Variants in RASGRP3 observed in about 807,000 individuals in gnomAD.
RASGRP3 encodes ras guanyl-releasing protein 3.
Under a neutral mutation model 82.7 loss-of-function variants are expected in RASGRP3, and 54 were observed. That is an observed-to-expected ratio of 0.65 (90% confidence interval 0.52 to 0.82). The LOEUF (loss-of-function observed/expected upper bound fraction) is 0.82. Among genes scored for constraint, RASGRP3 ranks in the 40% least tolerant of loss-of-function variants. RASGRP3 has a pLI of 0.00. For synonymous variants in RASGRP3, 309 were observed against 300.5 expected, an observed-to-expected ratio of 1.03 and a Z score of -0.29; for missense variants, 861 against 828.9, an observed-to-expected ratio of 1.04 and a Z score of -0.48.
intron 12 of RASGRP3, among the ~76,000 whole-genome samples, chr2:33,540,549 GTGTGTT>G (rs1373829334): frequency 9.9e-5 from 3 of 30,270 alleles, no homozygotes; most frequent in African/African-American, 5.8e-4. Context: ...CTCTCTGTGT[GTGTGTT>G]TTGTGTGTGT....
chr2:33,547,186 C>G (rs55787783), intron 13 of RASGRP3, among the ~76,000 whole-genome samples: 1 of 151,682 alleles, frequency 6.6e-6, no homozygotes, highest in African/African-American at 2.4e-5. Context: ...GTTCTCACTT[C>G]TAAGTGAGAG....
intron 2 of RASGRP3, among the ~76,000 whole-genome samples, chr2:33,451,178 A>G (rs930309471): frequency 8.6e-5 from 13 of 151,728 alleles, no homozygotes; most frequent in Non-Finnish European, 1.8e-4. Flanking sequence ...ATTTTTTCAT[A>G]TACCTATTGG....
intron 14 of RASGRP3, 73 bp downstream of exon 14, chr2:33,549,824 T>A: frequency 2.7e-6 from 4 of 1,486,620 alleles, no homozygotes; most frequent in Non-Finnish European, 2.7e-6. Context: ...AGGAAAATGA[T>A]ACACTAAATA....
At chr2:33,470,799 A>C (rs77619345) in intron 2 of RASGRP3, among the ~76,000 whole-genome samples, 4,398 of 152,230 alleles carry the variant, frequency 0.029, 236 homozygotes, top group African/African-American at 0.1. Flanking sequence ...TTGTATATTT[A>C]TTTGTAACTG....
At chr2:33,506,007 CA>C (rs1670343030) in intron 1 of RASGRP3, among the ~76,000 whole-genome samples, 1 of 152,182 alleles carries the variant, frequency 6.6e-6, no homozygotes, top group Admixed American at 6.5e-5. Flanking sequence ...TGCCAATATT[CA>C]ATACCAGTAA....
chr2:33,443,709 T>TA (rs1161262477), intron 1 of RASGRP3, among the ~76,000 whole-genome samples: 23,252 of 98,062 alleles, frequency 0.24, 3,167 homozygotes, highest in Admixed American at 0.35. Context: ...ATCCTGTCTC[T>TA]AAAAAAAAAA....
intron 12 of RASGRP3, among the ~76,000 whole-genome samples, chr2:33,542,740 A>G (rs1674388835): frequency 6.8e-6 from 1 of 147,180 alleles, no homozygotes; most frequent in African/African-American, 2.4e-5. Context: ...CTGGAGTGCA[A>G]TGGCGCCATC....
intron 14 of RASGRP3, among the ~76,000 whole-genome samples, chr2:33,552,075 T>C (rs1401918539): frequency 6.6e-5 from 10 of 152,228 alleles, no homozygotes; most frequent in Admixed American, 5.9e-4. Context: ...CCTTCTGTCC[T>C]GCCCCTCCCT....
intron 13 of RASGRP3, among the ~76,000 whole-genome samples, chr2:33,546,255 C>T (rs911868021): frequency 3.3e-5 from 5 of 151,728 alleles, no homozygotes; most frequent in Non-Finnish European, 5.9e-5. Context: ...AACTCTGTCT[C>T]TACTAAAAAT....
chr2:33,543,457 CA>C, intron 12 of RASGRP3, 54 bp from the exon 13 acceptor site: 3 of 1,135,580 alleles, frequency 2.6e-6, no homozygotes, highest in Non-Finnish European at 2.5e-6. Context: ...TTTGCAATAA[CA>C]AGTTCAGAGC....
chr2:33,468,302 A>G (rs1666843443), intron 2 of RASGRP3, among the ~76,000 whole-genome samples: 1 of 152,028 alleles, frequency 6.6e-6, no homozygotes, highest in Non-Finnish European at 1.5e-5. Context: ...ATATATTCAC[A>G]TATTTTCTTA....
intron 2 of RASGRP3, among the ~76,000 whole-genome samples, chr2:33,466,287 A>G (rs866145669): frequency 3.3e-5 from 5 of 152,252 alleles, no homozygotes; most frequent in Admixed American, 6.5e-5. Context: ...CATTAGGAAC[A>G]TTCGTGATTC....
intron 12 of RASGRP3, among the ~76,000 whole-genome samples, chr2:33,540,539 C>T (rs1184434631): frequency 1.2e-4 from 9 of 73,944 alleles, no homozygotes; most frequent in African/African-American, 4.0e-4. Flanking sequence ...CTCTCTCTCT[C>T]TCTCTGTGTG....
intron 2 of RASGRP3, among the ~76,000 whole-genome samples, chr2:33,462,670 G>A (rs1426149474): frequency 6.6e-6 from 1 of 152,184 alleles, no homozygotes; most frequent in Non-Finnish European, 1.5e-5. Context: ...GAGCCACTGC[G>A]CCGGCCAGAT....
At chr2:33,504,533 TC>T (rs1293512567) in intron 1 of RASGRP3, among the ~76,000 whole-genome samples, 1 of 152,124 alleles carries the variant, frequency 6.6e-6, no homozygotes, top group Non-Finnish European at 1.5e-5. Context: ...AACCTGGAGG[TC>T]CATTTAAAGA....
At chr2:33,439,871 C>T (rs373279045) in intron 1 of RASGRP3, among the ~76,000 whole-genome samples, 3 of 152,062 alleles carry the variant, frequency 2.0e-5, no homozygotes, top group African/African-American at 7.2e-5. Context: ...TAAGATCTGC[C>T]GGTTGGAGGC....
chr2:33,540,984 A>G (rs1361400433), intron 12 of RASGRP3, among the ~76,000 whole-genome samples: 1 of 146,800 alleles, frequency 6.8e-6, no homozygotes, highest in Non-Finnish European at 1.5e-5. Context: ...CCTACTTCCC[A>G]AAATACTTGC....
chr2:33,520,388 C>A (rs997398245), intron 5 of RASGRP3, among the ~76,000 whole-genome samples, 165 bp from the exon 6 acceptor site: 1 of 152,134 alleles, frequency 6.6e-6, no homozygotes, highest in African/African-American at 2.4e-5. Context: ...GAGAGAGGCT[C>A]CATGTGATGG....
chr2:33,550,592 G>A (rs1423083648), intron 14 of RASGRP3, among the ~76,000 whole-genome samples: 4 of 152,162 alleles, frequency 2.6e-5, no homozygotes, highest in Admixed American at 6.5e-5. Flanking sequence ...AATAAAATGG[G>A]AAATGTGGTA....
Sources: gnomAD v4.1 joint callset for allele counts (sites outside exome capture counted in the v4.1 genomes callset) on GRCh38, gnomAD v4.1.1 for gene constraint, MANE v1.5 for transcripts, NCBI Gene and HGNC (gene_info 2026-07-23, HGNC 2026-07-21) for gene names.